Variants in NELL1 observed in about 807,000 individuals in gnomAD.
The protein encoded by NELL1 is neural EGFL like 1, also known as protein kinase C-binding protein NELL1.
In NELL1, 76 loss-of-function variants were observed where a neutral mutation model predicts 107.4. The ratio of observed to expected loss-of-function variants is 0.71; its 90% CI spans 0.59 to 0.86. The LOEUF (loss-of-function observed/expected upper bound fraction) is 0.86, where lower values mean the gene tolerates loss of function less well. Ranked by LOEUF, NELL1 falls within the 40% of genes least tolerant of loss-of-function variation. The probability of loss-of-function intolerance (pLI) is 0.00; values close to 1 mark genes in which losing one functional copy is unlikely to be tolerated. For missense variants in NELL1, 1,024 were observed against 1,005.5 expected (o/e 1.02, Z -0.25); for synonymous variants, 353 against 341.2 (o/e 1.03, Z -0.38).
At position 20,786,987 on chromosome 11, in the gene NELL1, G is replaced by A. The variant is rs545364264; in HGVS notation, c.335+3157G>A. Among the ~76,000 whole-genome samples the A allele has an allele frequency of 6.0e-4, 63 of 104,192 alleles. 1 individual carries two copies. Among genetic ancestry groups the A allele is most frequent in the Middle Eastern group, 0.012 (1 of 82 alleles). 68.4% of individuals were successfully genotyped at this position (104,192 alleles called of 152,430 possible). On this transcript the variant is annotated intron_variant, in intron 3 of 19. Coordinates refer to ENST00000357134, the MANE Select transcript of NELL1 (RefSeq NM_006157.5). ...GGCGCCACTGCACTCCAGCCTAGGC[G>A]AAAGAGCGAGACTCCGTCTCAAAAA... is the stretch of plus-strand genomic sequence containing the variant.
chr11:21,169,780 C>T, intron 13 of NELL1: 1 of 1,296,176 alleles, frequency 7.7e-7, no homozygotes, highest in South Asian at 1.3e-5. Context: ...TGGAGTCCCT[C>T]CTGCCGGGCA....
intron 14 of NELL1, among the ~76,000 whole-genome samples, chr11:21,258,694 G>A (rs187674169): frequency 1.2e-4 from 19 of 152,004 alleles, no homozygotes; most frequent in African/African-American, 4.3e-4. Flanking sequence ...AAAAAAACAC[G>A]CTCACAGAAA....
At chr11:21,346,098 T>C (rs1361963198) in intron 14 of NELL1, among the ~76,000 whole-genome samples, 1 of 152,174 alleles carries the variant, frequency 6.6e-6, no homozygotes, top group East Asian at 1.9e-4. Flanking sequence ...TTCCTGAAAC[T>C]AAAAATCCAG....
At chr11:21,136,823 A>C (rs1319841314) in intron 13 of NELL1, among the ~76,000 whole-genome samples, 1 of 152,198 alleles carries the variant, frequency 6.6e-6, no homozygotes, top group Non-Finnish European at 1.5e-5. Flanking sequence ...AATGGTCTGC[A>C]GTAAGCAATT....
chr11:20,747,595 G>A (rs186251258), intron 2 of NELL1, among the ~76,000 whole-genome samples: 4 of 152,320 alleles, frequency 2.6e-5, no homozygotes, highest in Non-Finnish European at 4.4e-5. Flanking sequence ...ATCTATTCAT[G>A]AAAGCAGAAC....
chr11:21,547,871 G>T (rs75943947), intron 16 of NELL1, among the ~76,000 whole-genome samples: 1 of 151,784 alleles, frequency 6.6e-6, no homozygotes, highest in Admixed American at 6.6e-5. Flanking sequence ...TCATTGCCAC[G>T]TAGTGAGTAG....
intron 15 of NELL1, among the ~76,000 whole-genome samples, chr11:21,434,159 A>G (rs1033015179): frequency 6.6e-6 from 1 of 152,066 alleles, no homozygotes; most frequent in African/African-American, 2.4e-5. Flanking sequence ...CACTCTGGTG[A>G]TTGTTCCTTT....
rs528553759 is a variant in NELL1 at position 21,340,679 on chromosome 11, A to G, written c.1550-30174A>G. ...CACACACAGAATGAGAGAGAATGAG[A>G]GAGAGAGAGAACACTCCATTTGAAG... On this transcript the variant is annotated intron_variant, in intron 14 of 19. Coordinates refer to ENST00000357134, the MANE Select transcript of NELL1 (RefSeq NM_006157.5). Among the ~76,000 whole-genome samples, 4 of 152,094 alleles carry G rather than the reference A, an allele frequency of 2.6e-5. No individual in the cohort carries two copies. In the South Asian group the frequency reaches 8.3e-4, roughly 32 times the overall value.
intron 5 of NELL1, among the ~76,000 whole-genome samples, chr11:20,901,887 T>C (rs1322493215): frequency 6.6e-6 from 1 of 152,024 alleles, no homozygotes; most frequent in African/African-American, 2.4e-5. Context: ...GTTAGGAAAA[T>C]CAGTTATTTA....
chr11:21,347,363 G>C (rs1850707567), intron 14 of NELL1, among the ~76,000 whole-genome samples: 1 of 152,180 alleles, frequency 6.6e-6, no homozygotes, highest in Non-Finnish European at 1.5e-5. Flanking sequence ...AGCACTTCGG[G>C]AGGCTGAGGT....
At chr11:21,237,638 G>T (rs1181700189) in intron 14 of NELL1, among the ~76,000 whole-genome samples, 1 of 151,994 alleles carries the variant, frequency 6.6e-6, no homozygotes, top group Non-Finnish European at 1.5e-5. Flanking sequence ...ACTATGCTAG[G>T]CTCTGGTTAT....
chr11:20,669,666 G>C lies in NELL1; in HGVS notation c.-58G>C. ...AAGCCAGGCGCGCCTCAGGATCCAGGCTCATTTGCTTCCACCTAGCTTCGG... is the reference window on the plus strand; with the variant it reads ...AAGCCAGGCGCGCCTCAGGATCCAGCCTCATTTGCTTCCACCTAGCTTCGG... On this transcript the variant is annotated 5_prime_UTR_variant, in exon 1 of 20. Transcript: ENST00000357134. The surrounding 1 kb of genome is among the most constrained non-coding windows in gnomAD (Gnocchi z 4.4). 2 of 1,468,542 alleles carry C rather than the reference G, an allele frequency of 1.4e-6. No homozygotes were observed. The highest frequency in any genetic ancestry group is 1.9e-6 in the Non-Finnish European group (2 of 1,049,162). The allele number at this position is 1,468,542 out of a possible 1,614,324, so 91.0% of individuals were successfully genotyped here.
intron 12 of NELL1, among the ~76,000 whole-genome samples, chr11:20,966,690 C>A (rs1851393501): frequency 6.6e-6 from 1 of 152,046 alleles, no homozygotes; most frequent in Non-Finnish European, 1.5e-5. Context: ...CATCTTCCTC[C>A]CAGCAGGAGA....
At chr11:20,959,531 A>T (rs540681373) in intron 11 of NELL1, among the ~76,000 whole-genome samples, 7 of 152,282 alleles carry the variant, frequency 4.6e-5, no homozygotes, top group Admixed American at 4.6e-4. Context: ...GCTGGGTGAG[A>T]TTGGAGACTA....
At chr11:20,886,750 T>G (rs1280428445) in intron 5 of NELL1, among the ~76,000 whole-genome samples, 1 of 152,112 alleles carries the variant, frequency 6.6e-6, no homozygotes, top group Non-Finnish European at 1.5e-5. Flanking sequence ...GGTTGATGGG[T>G]GCAGCAAACC....
At chr11:21,258,411 T>G (rs1407417461) in intron 14 of NELL1, among the ~76,000 whole-genome samples, 1 of 151,996 alleles carries the variant, frequency 6.6e-6, no homozygotes, top group East Asian at 1.9e-4. Context: ...AGAATGTATA[T>G]AAAATCAACA....
intron 12 of NELL1, among the ~76,000 whole-genome samples, chr11:20,999,094 A>C (rs1287793299): frequency 1.3e-5 from 2 of 152,194 alleles, no homozygotes; most frequent in East Asian, 3.9e-4. Flanking sequence ...GATGTTTTAC[A>C]TTATTTGCCA....
intron 5 of NELL1, among the ~76,000 whole-genome samples, chr11:20,890,815 G>T (rs1029172406): frequency 2.0e-5 from 3 of 152,010 alleles, no homozygotes; most frequent in African/African-American, 7.2e-5. Flanking sequence ...AAAGAAAAGA[G>T]AATGAAAAGG....
intron 14 of NELL1, among the ~76,000 whole-genome samples, chr11:21,297,689 ATTG>A (rs932684761): frequency 1.3e-5 from 2 of 152,040 alleles, no homozygotes; most frequent in Non-Finnish European, 2.9e-5. Context: ...AGCTCTGAAA[ATTG>A]TTGTGCTTTC....
Sources: gnomAD v4.1 joint callset for allele counts (sites outside exome capture counted in the v4.1 genomes callset) on GRCh38, gnomAD v4.1.1 for gene constraint, Gnocchi (gnomAD v3.1) non-coding constraint, MANE v1.5 for transcripts, NCBI Gene and HGNC (gene_info 2026-07-23, HGNC 2026-07-21) for gene names.